The following MRTFA variants were observed in gnomAD, a reference collection of about 807,000 sequenced individuals.
MRTFA encodes the protein myocardin-related transcription factor A.
A neutral mutation model predicts 83.5 loss-of-function variants in MRTFA; 20 were observed. The ratio of observed to expected loss-of-function variants is 0.24; its 90% CI spans 0.17 to 0.35. The LOEUF is 0.35. Among genes scored for constraint, MRTFA ranks in the 10% least tolerant of loss-of-function variants. The probability of loss-of-function intolerance (pLI) is 1.00; values close to 1 mark genes in which losing one functional copy is unlikely to be tolerated. For missense variants in MRTFA, 1,200 were observed against 1,224.7 expected, an observed-to-expected ratio of 0.98 and a Z score of 0.30; for synonymous variants, 659 against 541.2, an observed-to-expected ratio of 1.22 and a Z score of -3.02.
In MRTFA at chr22:40,462,205, G is replaced by C. The variant is rs2053727217; in HGVS notation, c.307+1016C>G. 2.6e-5 allele frequency among the ~76,000 whole-genome samples: 4 copies of C among 152,308 alleles called. No individual in the cohort carries two copies. The South Asian group carries it at 8.3e-4, about 32-fold the overall frequency. On this transcript the variant is annotated intron_variant, in intron 4 of 14. Transcript: ENST00000355630. ...TCTGAACTTACCAACTGCATTTCAA[G>C]GTGATCCCTGCTCTGAAATTTCTTG...
intron 2 of MRTFA, chr22:40,569,330 G>T: frequency 4.6e-6 from 1 of 216,814 alleles, no homozygotes; most frequent in Non-Finnish European, 1.0e-5. Flanking sequence ...CTACAGGACT[G>T]CCCCTTTTGA....
intron 3 of MRTFA, among the ~76,000 whole-genome samples, chr22:40,542,468 T>G (rs1290270486): frequency 6.6e-6 from 1 of 152,242 alleles, no homozygotes; most frequent in Non-Finnish European, 1.5e-5. Flanking sequence ...AGAAGTTCCA[T>G]GACAATAAGA....
At chr22:40,447,173 T>C (rs2053394696) in intron 4 of MRTFA, among the ~76,000 whole-genome samples, 2 of 151,638 alleles carry the variant, frequency 1.3e-5, no homozygotes, top group South Asian at 2.1e-4. Flanking sequence ...CTGGGCAATA[T>C]AGTGAAACTC....
intron 2 of MRTFA, among the ~76,000 whole-genome samples, chr22:40,578,327 G>A (rs2055898177): frequency 6.6e-6 from 1 of 152,104 alleles, no homozygotes; most frequent in African/African-American, 2.4e-5. Flanking sequence ...CTGCTCTGGA[G>A]GAAAGTCAAA....
rs1310749229 is a variant in MRTFA at position 40,533,669 on chromosome 22, A to C, written c.241+18437T>G. ...CTTCCAGAAACAAAAATCCACAAAT[A>C]TAATGAAGAAAGTCAAAGTCACAGG... On this transcript the variant is annotated intron_variant, in intron 3 of 14. Transcript: ENST00000355630. The C allele has an allele frequency of 6.6e-6, 8 of 1,205,972 alleles. No individual in the cohort carries two copies. In the African/African-American group the frequency reaches 1.1e-4, roughly 16 times the overall value. The allele number at this position is 1,205,972 out of a possible 1,614,324, so 74.7% of individuals were successfully genotyped here.
chr22:40,449,467 AT>A (rs2053447193), intron 4 of MRTFA, among the ~76,000 whole-genome samples: 1 of 152,130 alleles, frequency 6.6e-6, no homozygotes, highest in South Asian at 2.1e-4. Flanking sequence ...TAGTTCAAGA[AT>A]CATTTGCATG....
chr22:40,496,128 T>C (rs904253670), intron 3 of MRTFA, among the ~76,000 whole-genome samples: 1 of 152,036 alleles, frequency 6.6e-6, no homozygotes, highest in Non-Finnish European at 1.5e-5. Flanking sequence ...CTAGATTGCT[T>C]GGGTTCAAAT....
intron 10 of MRTFA, 40 bp downstream of exon 10, chr22:40,420,807 C>T (rs1304897383): frequency 6.2e-6 from 10 of 1,608,014 alleles, no homozygotes; most frequent in East Asian, 2.2e-5. Context: ...CAGGGTGGCT[C>T]GGGGAGGGCA....
At chr22:40,540,192 G>A (rs1417379658) in intron 3 of MRTFA, among the ~76,000 whole-genome samples, 2 of 152,054 alleles carry the variant, frequency 1.3e-5, no homozygotes, top group Non-Finnish European at 2.9e-5. Context: ...GATTACAGAT[G>A]TAAGCCACCA....
At chr22:40,519,443 T>C in intron 3 of MRTFA, 1 of 1,334,572 alleles carries the variant, frequency 7.5e-7, no homozygotes, top group East Asian at 4.2e-5. Context: ...ATGAAGGCGA[T>C]GTTGTTTTAG....
intron 4 of MRTFA, among the ~76,000 whole-genome samples, chr22:40,457,462 GAAA>G (rs1189697876): frequency 2.0e-5 from 3 of 148,294 alleles, no homozygotes; most frequent in Non-Finnish European, 4.5e-5. Context: ...AAGAAAGAAA[GAAA>G]GAAAGAAAGA....
rs150125324 is a variant in MRTFA, at chr22:40,416,075, C to T, written c.2578+911G>A. Among the ~76,000 whole-genome samples the T allele has an allele frequency of 5.3e-5, 8 of 152,320 alleles. No homozygotes were observed. The highest frequency in any genetic ancestry group is 2.1e-4 in the South Asian group (1 of 4,822). On this transcript the variant is annotated intron_variant, in intron 14 of 14. Transcript: ENST00000355630. The surrounding 1 kb of genome is among the most constrained non-coding windows in gnomAD (Gnocchi z 4.2). ...CAACTGTCCCTGTGAACCCTCCATTCGGTCTCGTGACACACCCCATCAGGG... is the reference window on the plus strand; with the variant it reads ...CAACTGTCCCTGTGAACCCTCCATTTGGTCTCGTGACACACCCCATCAGGG...
chr22:40,420,798 A>G (rs781747226), intron 10 of MRTFA, 49 bp downstream of exon 10: 2 of 1,606,602 alleles, frequency 1.2e-6, no homozygotes, highest in Non-Finnish European at 1.7e-6. Context: ...TGCCTGGCTC[A>G]GGGTGGCTCG....
chr22:40,617,140 G>C (rs1024952226), intron 1 of MRTFA, among the ~76,000 whole-genome samples: 1 of 124,338 alleles, frequency 8.0e-6, no homozygotes, highest in Non-Finnish European at 1.7e-5. Context: ...AGAGAGACGA[G>C]AGAAGGAAGG....
At chr22:40,621,349 T>C (rs1277718084) in intron 1 of MRTFA, among the ~76,000 whole-genome samples, 1 of 152,138 alleles carries the variant, frequency 6.6e-6, no homozygotes, top group Non-Finnish European at 1.5e-5. Context: ...TTATACTAAG[T>C]GACATAAGCT....
chr22:40,562,884 T>C (rs2055650175), intron 2 of MRTFA, among the ~76,000 whole-genome samples: 1 of 152,080 alleles, frequency 6.6e-6, no homozygotes, highest in Non-Finnish European at 1.5e-5. Context: ...CTCAACGAAT[T>C]GGGTAGCCAA....
chr22:40,518,802 A>C (rs2147254605), intron 3 of MRTFA, among the ~76,000 whole-genome samples: 2 of 150,146 alleles, frequency 1.3e-5, no homozygotes, highest in South Asian at 4.2e-4. Context: ...CTCCAAAAAA[A>C]AAAAAAAAAA....
intron 5 of MRTFA, among the ~76,000 whole-genome samples, chr22:40,432,394 A>G (rs2147095909): frequency 6.6e-6 from 1 of 152,316 alleles, no homozygotes; most frequent in Admixed American, 6.5e-5. Context: ...CTAGTTCCTC[A>G]AAGTCCAATG....
intron 3 of MRTFA, among the ~76,000 whole-genome samples, chr22:40,466,148 T>C (rs956586602): frequency 2.6e-5 from 4 of 152,178 alleles, no homozygotes; most frequent in Non-Finnish European, 5.9e-5. Flanking sequence ...GGAATTCAGG[T>C]GATCAACTTC....
Sources: allele counts gnomAD v4.1 joint callset (sites outside exome capture counted in the v4.1 genomes callset), GRCh38; gene constraint gnomAD v4.1.1; non-coding constraint Gnocchi (gnomAD v3.1); transcripts MANE v1.5; gene names NCBI Gene and HGNC (gene_info 2026-07-23, HGNC 2026-07-21).